Variants in F13A1 observed in about 807,000 individuals in gnomAD.
F13A1 encodes FSF, A subunit.
F13A1 carries 47 observed loss-of-function variants against 80.1 expected under a neutral mutation model. The observed-to-expected ratio is 0.59, with a 90% CI of 0.46 to 0.75. The LOEUF is 0.75. F13A1 is among the 30% of genes least tolerant of loss of function. The probability of loss-of-function intolerance (pLI) is 0.00; values close to 1 mark genes in which losing one functional copy is unlikely to be tolerated. For synonymous variants in F13A1, 349 were observed against 344.9 expected, an observed-to-expected ratio of 1.01 and a Z score of -0.13; for missense variants, 817 against 930.4, an observed-to-expected ratio of 0.88 and a Z score of 1.59.
chr6:6,220,939 C>T (rs745918143), intron 8 of F13A1, among the ~76,000 whole-genome samples: 63 of 152,310 alleles, frequency 4.1e-4, no homozygotes, highest in Middle Eastern at 6.8e-3. Flanking sequence ...GTTAATACTG[C>T]TGCTACAACT....
chr6:6,254,204 G>A (rs1757674381), intron 4 of F13A1, among the ~76,000 whole-genome samples: 2 of 151,614 alleles, frequency 1.3e-5, no homozygotes, highest in South Asian at 4.1e-4. Context: ...ATCTACTATG[G>A]CTGTAGTGTA....
At chr6:6,242,708 A>G (rs185962627) in intron 6 of F13A1, among the ~76,000 whole-genome samples, 1 of 152,274 alleles carries the variant, frequency 6.6e-6, no homozygotes, top group Non-Finnish European at 1.5e-5. Context: ...AAGAGCAAAT[A>G]ACCCTCTACT....
At chr6:6,157,399 T>C (rs967178931) in intron 13 of F13A1, among the ~76,000 whole-genome samples, 1 of 152,028 alleles carries the variant, frequency 6.6e-6, no homozygotes, top group Non-Finnish European at 1.5e-5. Context: ...CTACCTATAC[T>C]GTGATCCCTG....
chr6:6,210,123 G>C (rs1466613774), intron 8 of F13A1, among the ~76,000 whole-genome samples: 16 of 151,394 alleles, frequency 1.1e-4, no homozygotes, highest in Admixed American at 1.1e-3. Flanking sequence ...CCAGCTACTA[G>C]GGAAGCTGAG....
chr6:6,236,157 T>G (rs1757411116), intron 6 of F13A1, among the ~76,000 whole-genome samples: 1 of 151,494 alleles, frequency 6.6e-6, no homozygotes, highest in South Asian at 2.1e-4. Context: ...AAGCAGGGAG[T>G]GGTTTAAGGA....
At chr6:6,276,739 G>T (rs919573310) in intron 3 of F13A1, among the ~76,000 whole-genome samples, 17 of 152,216 alleles carry the variant, frequency 1.1e-4, no homozygotes, top group African/African-American at 4.1e-4. Context: ...TGGCATTCCA[G>T]AAGATGAGGA....
At position 6,166,041 on chromosome 6, in the gene F13A1, C is replaced by T. The variant is rs76675572; in HGVS notation, c.1908+1417G>A. ...TTGGGGTGGCTCACTGTGTCAATTACACAGGACCAGACCATAAGAACGTTC... is the reference window on the plus strand; with the variant it reads ...TTGGGGTGGCTCACTGTGTCAATTATACAGGACCAGACCATAAGAACGTTC... On this transcript the variant is annotated intron_variant, in intron 13 of 14. Coordinates refer to ENST00000264870, the MANE Select transcript of F13A1 (RefSeq NM_000129.4). 4.7e-4 allele frequency among the ~76,000 whole-genome samples: 72 copies of T among 152,364 alleles called. 1 individual carries two copies. In the East Asian group the frequency reaches 0.013, roughly 28 times the overall value.
At chr6:6,299,518 C>T (rs1402122748) in intron 3 of F13A1, among the ~76,000 whole-genome samples, 1 of 132,516 alleles carries the variant, frequency 7.5e-6, no homozygotes, top group East Asian at 2.1e-4. Flanking sequence ...ATCGCTGATA[C>T]CCTTTCTTCC....
At chr6:6,310,876 A>C (rs943786507) in intron 2 of F13A1, among the ~76,000 whole-genome samples, 1 of 152,166 alleles carries the variant, frequency 6.6e-6, no homozygotes, top group Non-Finnish European at 1.5e-5. Flanking sequence ...GGAAGTCACA[A>C]GGTAAAGAAG....
intron 3 of F13A1, among the ~76,000 whole-genome samples, chr6:6,279,270 T>C (rs550866112): frequency 6.6e-6 from 1 of 152,294 alleles, no homozygotes; most frequent in South Asian, 2.1e-4. Context: ...AAGACTGTGT[T>C]ATTCTATCAA....
intron 6 of F13A1, among the ~76,000 whole-genome samples, chr6:6,239,395 T>C (rs529104035): frequency 2.0e-5 from 3 of 152,280 alleles, no homozygotes; most frequent in Middle Eastern, 3.4e-3. Context: ...GGGGTGGTGA[T>C]TACCCCAATC....
At chr6:6,319,036 A>G (rs1167312521) in intron 1 of F13A1, among the ~76,000 whole-genome samples, 1 of 152,236 alleles carries the variant, frequency 6.6e-6, no homozygotes, top group Non-Finnish European at 1.5e-5. Flanking sequence ...GTTTCCTGTT[A>G]TATGCATGTG....
chr6:6,146,145 T>C (rs41302859), intron 14 of F13A1, among the ~76,000 whole-genome samples: 20,827 of 152,066 alleles, frequency 0.14, 1,568 homozygotes, highest in Middle Eastern at 0.17. Flanking sequence ...CTCAGCTCAG[T>C]TTTTGCCACT....
chr6:6,298,827 G>A, intron 3 of F13A1, among the ~76,000 whole-genome samples: 1 of 146,792 alleles, frequency 6.8e-6, no homozygotes, highest in Middle Eastern at 3.5e-3. Context: ...TTAGTTGATG[G>A]AGTTTCTTCC....
rs764249755 is a variant in F13A1 at position 6,224,830 on chromosome 6, C to G, written c.829G>C (p.Val277Leu). Reference sequence around the variant, plus strand: ...GCATAGATATTGTCCCAGGATCCAACGAGGACACCTTCGTCATCTTTGGCA... The same window carrying G: ...GCATAGATATTGTCCCAGGATCCAAGGAGGACACCTTCGTCATCTTTGGCA... ...VNAKDDEGVLVGSWDNIYAYG... is the reference protein window; with the variant it reads ...VNAKDDEGVLLGSWDNIYAYG... The change falls in exon 7 of 15, where the codon GTT (valine) becomes CTT (leucine). Residue 277 changes from valine to leucine, a missense_variant. Physicochemically the swap from Val to Leu is conservative, Grantham distance 32. Coordinates refer to ENST00000264870, the MANE Select transcript of F13A1 (RefSeq NM_000129.4). 6.2e-6 allele frequency: 10 copies of G among 1,614,038 alleles called. No individual in the cohort carries two copies. Among genetic ancestry groups the G allele is most frequent in the Non-Finnish European group, 8.5e-6 (10 of 1,179,946 alleles).
intron 10 of F13A1, among the ~76,000 whole-genome samples, chr6:6,189,893 TC>T (rs1448204000): frequency 1.3e-5 from 2 of 152,194 alleles, no homozygotes; most frequent in Non-Finnish European, 2.9e-5. Flanking sequence ...TTTCACATAG[TC>T]CCATATTTCT....
At position 6,186,060 on chromosome 6, in the gene F13A1, G is replaced by C. The variant is rs1387190966; in HGVS notation, c.1306-3919C>G. On this transcript the variant is annotated intron_variant, in intron 10 of 14. Transcript: ENST00000264870. ...TGTTCATGTCCTTCACCCACTTTTT[G>C]ATGGGGTTGTTTGTTTTTTTCTTGT... Among the ~76,000 whole-genome samples the C allele has an allele frequency of 2.4e-3, 367 of 151,252 alleles. 3 individuals are homozygous for C. Among genetic ancestry groups the C allele is most frequent in the African/African-American group, 8.2e-3 (338 of 41,242 alleles).
intron 11 of F13A1, among the ~76,000 whole-genome samples, chr6:6,179,195 A>C (rs1480647726): frequency 6.6e-6 from 1 of 152,224 alleles, no homozygotes; most frequent in African/African-American, 2.4e-5. Flanking sequence ...GCAAAGAGGG[A>C]ATGGAATCAA....
At chr6:6,308,045 G>C (rs968582185) in intron 2 of F13A1, among the ~76,000 whole-genome samples, 1 of 150,414 alleles carries the variant, frequency 6.6e-6, no homozygotes, top group Non-Finnish European at 1.5e-5. Context: ...ACAGAGTCTT[G>C]CTCTGTTACC....
Sources: allele counts gnomAD v4.1 joint callset (sites outside exome capture counted in the v4.1 genomes callset), GRCh38; gene constraint gnomAD v4.1.1; transcripts MANE v1.5; gene names NCBI Gene and HGNC (gene_info 2026-07-23, HGNC 2026-07-21).